ENTHD1: variants seen among roughly 807,000 people sequenced by gnomAD.
The protein encoded by ENTHD1 is ENTH domain-containing protein 1.
In ENTHD1, 23 loss-of-function variants were observed where a neutral mutation model predicts 39.1. The ratio of observed to expected loss-of-function variants is 0.59; its 90% CI spans 0.42 to 0.83. ENTHD1 has a LOEUF of 0.83. Ranked by LOEUF, ENTHD1 falls within the 40% of genes least tolerant of loss-of-function variation. The pLI, the probability that ENTHD1 is intolerant of heterozygous loss-of-function variation, is 0.00. For synonymous variants in ENTHD1, 230 were observed against 258.2 expected, an observed-to-expected ratio of 0.89 and a Z score of 1.05; for missense variants, 624 against 705.4, an observed-to-expected ratio of 0.88 and a Z score of 1.31.
chr22:39,888,097 A>C (rs2066396985), intron 1 of ENTHD1, among the ~76,000 whole-genome samples, 194 bp from the exon 2 acceptor site: 1 of 152,076 alleles, frequency 6.6e-6, no homozygotes, highest in South Asian at 2.1e-4. Context: ...ATATTATTTA[A>C]AGAAATATAG....
intron 5 of ENTHD1, among the ~76,000 whole-genome samples, chr22:39,769,902 A>G (rs1274109111): frequency 6.6e-6 from 1 of 152,178 alleles, no homozygotes. Context: ...GGGAAAGCCA[A>G]TGTGATGGAA....
At chr22:39,847,899 T>A (rs2066003309) in intron 3 of ENTHD1, among the ~76,000 whole-genome samples, 2 of 152,266 alleles carry the variant, frequency 1.3e-5, no homozygotes, top group Non-Finnish European at 2.9e-5. Context: ...CGCAGTTCTG[T>A]AGTCAGAAGT....
At chr22:39,805,607 A>G (rs1422992704) in intron 5 of ENTHD1, among the ~76,000 whole-genome samples, 2 of 152,160 alleles carry the variant, frequency 1.3e-5, no homozygotes, top group East Asian at 1.9e-4. Flanking sequence ...GAGATGCCCA[A>G]CAACCCACGG....
chr22:39,883,325 G>A (rs1244752327), intron 2 of ENTHD1, among the ~76,000 whole-genome samples: 2 of 151,784 alleles, frequency 1.3e-5, no homozygotes, highest in Non-Finnish European at 2.9e-5. Flanking sequence ...GAATCTGAAA[G>A]ATCTTTATGA....
chr22:39,857,577 G>A (rs565277095), intron 3 of ENTHD1, among the ~76,000 whole-genome samples: 5 of 151,300 alleles, frequency 3.3e-5, no homozygotes, highest in South Asian at 2.1e-4. Context: ...TTAAGCTTAC[G>A]ATTCACCAGG....
intron 2 of ENTHD1, among the ~76,000 whole-genome samples, chr22:39,880,433 A>G (rs1466645953): frequency 6.6e-6 from 1 of 152,188 alleles, no homozygotes; most frequent in African/African-American, 2.4e-5. Context: ...CAAACCTATA[A>G]AATGTACAAC....
intron 2 of ENTHD1, among the ~76,000 whole-genome samples, chr22:39,877,277 C>T (rs2066299393): frequency 6.6e-6 from 1 of 152,176 alleles, no homozygotes; most frequent in Non-Finnish European, 1.5e-5. Flanking sequence ...ATGGTGCATG[C>T]TTCTTGCCAT....
chr22:39,751,038 C>A (rs765824018), intron 6 of ENTHD1: 16 of 153,130 alleles, frequency 1.0e-4, no homozygotes, highest in Non-Finnish European at 2.1e-4. Context: ...CACCTGGTGG[C>A]AGATCCATTC....
In ENTHD1 at chr22:39,744,117, T is replaced by G. The variant is rs762974291; in HGVS notation, c.1386A>C (p.Glu462Asp). 3 of 1,614,158 alleles carry G rather than the reference T, an allele frequency of 1.9e-6. No homozygotes were observed. In the South Asian group the frequency reaches 3.3e-5, roughly 18 times the overall value. The change falls in exon 7 of 7, where the codon GAA (glutamate) becomes GAC (aspartate). Residue 462 changes from glutamate to aspartate, a missense_variant. Glu to Asp is a conservative substitution (Grantham distance 45). Coordinates refer to ENST00000325157, the MANE Select transcript of ENTHD1 (RefSeq NM_152512.4). ...AGTGATGCAGCTTGGCTGTCTTATCTTCATCTTTAAAGGAGGTAGAAGACA... is the reference window on the plus strand; with the variant it reads ...AGTGATGCAGCTTGGCTGTCTTATCGTCATCTTTAAAGGAGGTAGAAGACA... ...QQLSSTSFKD[E>D]DKTAKLHHSF... is the part of the protein sequence containing the mutation.
At chr22:39,748,427 CTT>C (rs113986555) in intron 6 of ENTHD1, among the ~76,000 whole-genome samples, 4 of 146,550 alleles carry the variant, frequency 2.7e-5, no homozygotes, top group Admixed American at 6.8e-5. Context: ...ATTTTCTTTT[CTT>C]TTTTTTTTTT....
chr22:39,743,669 A>G lies in ENTHD1; in HGVS notation c.*10T>C. On this transcript the variant is annotated 3_prime_UTR_variant, in exon 7 of 7. Coordinates refer to ENST00000325157, the MANE Select transcript of ENTHD1 (RefSeq NM_152512.4). ...CACACGAGTTCTATCAAAAATAGAT[A>G]TTGTGATGATTAGATCTGATCTGAG... is the stretch of plus-strand genomic sequence containing the variant. The G allele has an allele frequency of 1.3e-6, 2 of 1,572,938 alleles. No homozygotes were observed. The highest frequency in any genetic ancestry group is 1.7e-6 in the Non-Finnish European group (2 of 1,160,474).
chr22:39,820,998 C>G lies in ENTHD1; in HGVS notation c.827G>C (p.Gly276Ala), dbSNP rs1257013551. 5 of 1,613,894 alleles carry G rather than the reference C, an allele frequency of 3.1e-6. No individual in the cohort carries two copies. The highest frequency in any genetic ancestry group is 2.5e-6 in the Non-Finnish European group (3 of 1,179,902). Residue 276 changes from glycine to alanine, a missense_variant, in exon 5 of 7, where the codon GGT (glycine) becomes GCT (alanine). Gly to Ala is a moderately conservative substitution (Grantham distance 60). Coordinates refer to ENST00000325157, the MANE Select transcript of ENTHD1 (RefSeq NM_152512.4). ...CTATTCCTTAACCAATTTACCTGCACCCGAAAGATTACAAACTTCTTCTGC... is the reference window on the plus strand; with the variant it reads ...CTATTCCTTAACCAATTTACCTGCAGCCGAAAGATTACAAACTTCTTCTGC... ...SEAEEVCNLS[G>A]ADAVPTLSEN...
chr22:39,784,122 G>A (rs1387054908), intron 5 of ENTHD1, among the ~76,000 whole-genome samples: 1 of 151,630 alleles, frequency 6.6e-6, no homozygotes, highest in East Asian at 1.9e-4. Flanking sequence ...ACAGACACAT[G>A]GCCAACAGGT....
intron 6 of ENTHD1, among the ~76,000 whole-genome samples, chr22:39,746,264 C>T (rs1189569666): frequency 1.3e-5 from 2 of 152,110 alleles, no homozygotes; most frequent in African/African-American, 2.4e-5. Context: ...CCAATCCTCT[C>T]ATTGATTGCT....
intron 3 of ENTHD1, among the ~76,000 whole-genome samples, chr22:39,849,427 C>T (rs189902370): frequency 6.8e-4 from 103 of 152,250 alleles, no homozygotes; most frequent in African/African-American, 2.5e-3. Context: ...ATAGCTCCCA[C>T]AACAAAGAAT....
At chr22:39,784,543 TACACACACACACACACACAC>T (rs3044403) in intron 5 of ENTHD1, among the ~76,000 whole-genome samples, 3 of 142,256 alleles carry the variant, frequency 2.1e-5, no homozygotes, top group African/African-American at 7.9e-5. Context: ...TCTCTCTGTA[TACACACACACACACACACAC>T]ACACACACAC....
At chr22:39,841,036 G>C (rs2146685470) in intron 3 of ENTHD1, among the ~76,000 whole-genome samples, 1 of 152,158 alleles carries the variant, frequency 6.6e-6, no homozygotes, top group East Asian at 1.9e-4. Context: ...CACCGCGCCT[G>C]GCTAACTTAA....
In ENTHD1 at chr22:39,830,247, G is replaced by A. The variant is rs185254536; in HGVS notation, c.711+5593C>T. ...CACACCACCACGCCCGGTAATTTTCGTATTTTTAGTAGAGATGGGGTTTCA... is the reference window on the plus strand; with the variant it reads ...CACACCACCACGCCCGGTAATTTTCATATTTTTAGTAGAGATGGGGTTTCA... On this transcript the variant is annotated intron_variant, in intron 4 of 6. Transcript: ENST00000325157. 3.1e-3 allele frequency among the ~76,000 whole-genome samples: 479 copies of A among 152,072 alleles called. 3 individuals carry two copies. The highest frequency in any genetic ancestry group is 0.011 in the African/African-American group (452 of 41,482).
chr22:39,861,738 T>A (rs1338881519), intron 3 of ENTHD1, 27 bp downstream of exon 3: 1 of 1,432,772 alleles, frequency 7.0e-7, no homozygotes, highest in East Asian at 2.4e-5. Flanking sequence ...ACCTGTTGCA[T>A]TTTAGGCCAA....
Sources: gnomAD v4.1 joint callset for allele counts (sites outside exome capture counted in the v4.1 genomes callset) on GRCh38, gnomAD v4.1.1 for gene constraint, MANE v1.5 for transcripts, NCBI Gene and HGNC (gene_info 2026-07-23, HGNC 2026-07-21) for gene names.